The following PCNX1 variants were observed in gnomAD, a reference collection of about 807,000 sequenced individuals.
PCNX1 encodes pecanex-like protein 1.
In PCNX1, 78 loss-of-function variants were observed where a neutral mutation model predicts 242.2. The observed-to-expected ratio is 0.32, with a 90% confidence interval of 0.27 to 0.39. PCNX1 has a LOEUF of 0.39. Ranked by LOEUF, PCNX1 falls within the 10% of genes least tolerant of loss-of-function variation. PCNX1 has a pLI of 1.00. For missense variants in PCNX1, 2,581 were observed against 2,856.5 expected (o/e 0.90, Z 2.20); for synonymous variants, 1,024 against 1,032.9 (o/e 0.99, Z 0.17).
chr14:71,043,253 C>T (rs1413903608), intron 19 of PCNX1, among the ~76,000 whole-genome samples: 2 of 152,036 alleles, frequency 1.3e-5, no homozygotes, highest in African/African-American at 4.8e-5. Context: ...TGACTTTTGA[C>T]AGTTTGACTA....
At chr14:70,924,774 A>G (rs1159258623) in intron 1 of PCNX1, among the ~76,000 whole-genome samples, 3 of 151,976 alleles carry the variant, frequency 2.0e-5, no homozygotes, top group Non-Finnish European at 4.4e-5. Flanking sequence ...TTTTTTGTAA[A>G]GACAGGGTTT....
chr14:71,026,135 G>T lies in PCNX1; in HGVS notation c.3202G>T (p.Ala1068Ser). Reference protein sequence around the residue: ...SPRHGHNRIIAYSRPVYFCIC... With the variant: ...SPRHGHNRIISYSRPVYFCIC... ...TTTTCAGGGTCATAATCGTATCATT[G>T]CCTACAGTAGACCAGTTTATTTCTG... The change falls in exon 14 of 36, where the codon GCC (alanine) becomes TCC (serine). Residue 1068 changes from alanine (A) to serine (S), a missense_variant. By Grantham distance (99) the Ala-to-Ser change is moderately conservative (BLOSUM62 1). Transcript: ENST00000304743. The T allele has an allele frequency of 6.3e-7, 1 of 1,597,252 alleles. No individual in the cohort carries two copies.
chr14:71,017,329 G>C (rs2059986174), intron 11 of PCNX1, among the ~76,000 whole-genome samples: 1 of 152,130 alleles, frequency 6.6e-6, no homozygotes, highest in South Asian at 2.1e-4. Flanking sequence ...TTCAACAAAT[G>C]GTGGTGGAAC....
At chr14:71,040,037 C>T (rs34750681) in intron 19 of PCNX1, among the ~76,000 whole-genome samples, 1 of 152,096 alleles carries the variant, frequency 6.6e-6, no homozygotes. Flanking sequence ...GTCTAGAACT[C>T]CTGAGCTCAA....
chr14:71,001,669 C>T (rs953624931), intron 8 of PCNX1, among the ~76,000 whole-genome samples: 2 of 152,170 alleles, frequency 1.3e-5, no homozygotes, highest in Admixed American at 6.5e-5. Context: ...TAACATTAAT[C>T]ATTCTTAAGA....
At chr14:71,039,792 T>C (rs1444626432) in intron 19 of PCNX1, among the ~76,000 whole-genome samples, 1 of 152,180 alleles carries the variant, frequency 6.6e-6, no homozygotes, top group Non-Finnish European at 1.5e-5. Flanking sequence ...TAGAATGTTA[T>C]TATCTAAATC....
chr14:71,011,831 T>G (rs1314711409), intron 10 of PCNX1: 1 of 296,870 alleles, frequency 3.4e-6, no homozygotes, highest in Non-Finnish European at 6.2e-6. Context: ...CTGTGTTATA[T>G]ATAGGAAGTA....
At chr14:70,995,989 A>G (rs2059339487) in intron 8 of PCNX1, 64 bp downstream of exon 8, 7 of 1,196,374 alleles carry the variant, frequency 5.9e-6, no homozygotes, top group Non-Finnish European at 8.7e-6. Flanking sequence ...ATGGGTAACA[A>G]TTGCAGTTCT....
intron 11 of PCNX1, among the ~76,000 whole-genome samples, chr14:71,014,070 G>T (rs1395913183): frequency 1.3e-5 from 2 of 152,206 alleles, no homozygotes; most frequent in Admixed American, 6.5e-5. Flanking sequence ...CAGAGGAACA[G>T]TTCCTGGCAA....
At chr14:70,924,231 C>CAAAAAAA (rs60333920) in intron 1 of PCNX1, among the ~76,000 whole-genome samples, 19 of 97,918 alleles carry the variant, frequency 1.9e-4, no homozygotes, top group South Asian at 6.5e-4. Flanking sequence ...GAGACTGTCT[C>CAAAAAAA]AAAAAAAAAA....
At chr14:71,011,760 G>T in intron 10 of PCNX1, 1 of 509,164 alleles carries the variant, frequency 2.0e-6, no homozygotes, top group East Asian at 3.4e-5. Flanking sequence ...AGAAACCCTG[G>T]CATAGAGTAT....
At chr14:70,951,312 T>C (rs1029145752) in intron 2 of PCNX1, among the ~76,000 whole-genome samples, 2 of 152,164 alleles carry the variant, frequency 1.3e-5, no homozygotes, top group Admixed American at 6.5e-5. Flanking sequence ...GTTTAATACT[T>C]AGCATTGTGA....
intron 26 of PCNX1, among the ~76,000 whole-genome samples, chr14:71,064,644 G>C (rs1039821035): frequency 1.3e-5 from 2 of 152,122 alleles, no homozygotes; most frequent in African/African-American, 2.4e-5. Context: ...TATACTTTAA[G>C]TTCTGGGGTA....
At chr14:71,095,531 A>T (rs1473863292) in intron 30 of PCNX1, among the ~76,000 whole-genome samples, 1 of 152,184 alleles carries the variant, frequency 6.6e-6, no homozygotes, top group Non-Finnish European at 1.5e-5. Context: ...ATCACTCCAC[A>T]TTATTGTATA....
intron 2 of PCNX1, among the ~76,000 whole-genome samples, chr14:70,956,668 G>A (rs1375784653): frequency 1.3e-5 from 2 of 151,902 alleles, no homozygotes; most frequent in African/African-American, 4.9e-5. Flanking sequence ...TTATGAGTAC[G>A]TGTGTTCAAG....
intron 7 of PCNX1, among the ~76,000 whole-genome samples, chr14:70,992,256 C>G (rs186582954): frequency 1.7e-4 from 26 of 152,116 alleles, no homozygotes. Context: ...ATGAAATCAT[C>G]AGTGCATTTC....
intron 34 of PCNX1, 133 bp from the exon 35 acceptor site, chr14:71,109,319 A>C: frequency 1.1e-6 from 1 of 881,294 alleles, no homozygotes; most frequent in Non-Finnish European, 1.7e-6. Context: ...TGTAGCTCTT[A>C]AGATTTTTTT....
intron 1 of PCNX1, among the ~76,000 whole-genome samples, chr14:70,921,963 T>C (rs1237247810): frequency 6.6e-6 from 1 of 152,140 alleles, no homozygotes; most frequent in East Asian, 1.9e-4. Context: ...TCGGGATAGG[T>C]GATTCTGATG....
chr14:71,088,847 A>G (rs963616944), intron 29 of PCNX1, among the ~76,000 whole-genome samples: 1 of 152,216 alleles, frequency 6.6e-6, no homozygotes, highest in Non-Finnish European at 1.5e-5. Flanking sequence ...ATTTCCTAAC[A>G]TATACATCCA....
Sources: allele counts gnomAD v4.1 joint callset (sites outside exome capture counted in the v4.1 genomes callset), GRCh38; gene constraint gnomAD v4.1.1; transcripts MANE v1.5; gene names NCBI Gene and HGNC (gene_info 2026-07-23, HGNC 2026-07-21).